The following ABCA13 variants were observed in gnomAD, a reference collection of about 807,000 sequenced individuals.
ABCA13 encodes ATP binding cassette subfamily A member 13, also known as ATP-binding cassette sub-family A member 13.
A neutral mutation model predicts 478.7 loss-of-function variants in ABCA13; 476 were observed. The ratio of observed to expected loss-of-function variants is 0.99; its 90% CI spans 0.92 to 1.07. ABCA13 has a LOEUF of 1.07. ABCA13 is among the 50% of genes least tolerant of loss of function. The pLI, the probability that ABCA13 is intolerant of heterozygous loss-of-function variation, is 0.00. For missense variants in ABCA13, 6,060 were observed against 5,910.6 expected (o/e 1.03, Z -0.83); for synonymous variants, 2,252 against 2,158.9 (o/e 1.04, Z -1.20).
Position 48,450,559 on chromosome 7 carries a change from A to T in ABCA13, c.12566-4478A>T, listed in dbSNP as rs536817484. Among the ~76,000 whole-genome samples, 20 of 152,308 alleles carry T rather than the reference A, an allele frequency of 1.3e-4. No individual in the cohort carries two copies. The South Asian group carries it at 4.1e-3, about 32-fold the overall frequency. Reference sequence around the variant, plus strand: ...AACTTTTCACTAAAAGCATATCAAAATATTATTTTTTATAGTTTAATATTA... The same window carrying T: ...AACTTTTCACTAAAAGCATATCAAATTATTATTTTTTATAGTTTAATATTA... On this transcript the variant is annotated intron_variant, in intron 42 of 61. Transcript: ENST00000435803.
chr7:48,466,974 G>A lies in ABCA13; in HGVS notation c.12834G>A (p.Leu4278=). 1 of 1,613,904 alleles carries A rather than the reference G, an allele frequency of 6.2e-7. No individual in the cohort carries two copies. The highest frequency in any genetic ancestry group is 8.5e-7 in the Non-Finnish European group (1 of 1,179,874). The change falls in exon 44 of 62, where the codon TTG becomes TTA. Residue 4278 remains leucine (L), a synonymous_variant. Transcript: ENST00000435803. ...ACAGCAGCAGTGGGGGCGACAACTTGGACCTCACCCGTGTGCTTCTGCGGA... is the reference window on the plus strand; with the variant it reads ...ACAGCAGCAGTGGGGGCGACAACTTAGACCTCACCCGTGTGCTTCTGCGGA... ...TYFFSSGGDN[L]DLTRVLLRKF... is the part of the protein sequence containing the mutation.
rs1796750795 is a variant in ABCA13, at chr7:48,279,565, G to A, written c.8371G>A (p.Gly2791Ser). Residue 2791 changes from glycine (G) to serine (S), a missense_variant, in exon 18 of 62, where the codon GGT (glycine) becomes AGT (serine). By Grantham distance (56) the Gly-to-Ser change is moderately conservative (BLOSUM62 0). Around this residue, in one of 3 missense-constraint regions of ABCA13, gnomAD observed 4,423 missense variants for 4,309.1 expected, o/e 1.03. Transcript: ENST00000435803. Reference protein sequence around the residue: ...ASSGIKSDYEGDLNKSLYFDT... With the variant: ...ASSGIKSDYESDLNKSLYFDT... ...CAGTGGAATTAAAAGTGACTATGAAGGTGATTTGAATAAAAGTTTATATTT... is the reference window on the plus strand; with the variant it reads ...CAGTGGAATTAAAAGTGACTATGAAAGTGATTTGAATAAAAGTTTATATTT... The A allele has an allele frequency of 1.2e-6, 2 of 1,613,216 alleles. No individual in the cohort carries two copies. The highest frequency in any genetic ancestry group is 3.3e-5 in the Admixed American group (2 of 59,962).
At chr7:48,260,299 A>G (rs1793996378) in intron 15 of ABCA13, among the ~76,000 whole-genome samples, 2 of 152,032 alleles carry the variant, frequency 1.3e-5, no homozygotes, top group South Asian at 4.1e-4. Context: ...TTTTCTGGAT[A>G]TTTTTAGAGG....
At chr7:48,465,278 T>C (rs1328027459) in intron 43 of ABCA13, among the ~76,000 whole-genome samples, 2 of 152,218 alleles carry the variant, frequency 1.3e-5, no homozygotes, top group African/African-American at 4.8e-5. Flanking sequence ...TAATGTTCCA[T>C]TCTATGTGTA....
rs763955784 is a variant in ABCA13, at chr7:48,520,285, G to A, written c.14042G>A (p.Arg4681Gln). The change falls in exon 53 of 62, where the codon CGA becomes CAA. Residue 4681 changes from arginine (R) to glutamine (Q), a missense_variant. By Grantham distance (43) the Arg-to-Gln change is conservative. Coordinates refer to ENST00000435803, the MANE Select transcript of ABCA13 (RefSeq NM_152701.5). The stretch of plus-strand genomic sequence containing the variant: ...GTTCTGCTACACTGGGACCTTCTGC[G>A]ATGGCCAAGGTGGGTTCTGAAGGAC... ...LRVLLHWDLL[R>Q]WPRGHSTLQG... The A allele has an allele frequency of 2.7e-5, 44 of 1,610,624 alleles. No homozygotes were observed. The Admixed American group carries it at 4.0e-4, about 15-fold the overall frequency.
intron 55 of ABCA13, among the ~76,000 whole-genome samples, chr7:48,565,194 C>A (rs1786905202): frequency 7.0e-6 from 1 of 142,154 alleles, no homozygotes; most frequent in African/African-American, 2.7e-5. Context: ...ATGAACAGAG[C>A]ATGTGTGTAA....
intron 58 of ABCA13, among the ~76,000 whole-genome samples, chr7:48,600,456 G>T (rs1790768981): frequency 6.6e-6 from 1 of 151,196 alleles, no homozygotes; most frequent in African/African-American, 2.4e-5. Context: ...TGACTGTTTT[G>T]CTATTTTTTA....
intron 19 of ABCA13, among the ~76,000 whole-genome samples, chr7:48,284,139 T>C (rs975797675): frequency 6.6e-6 from 1 of 152,308 alleles, no homozygotes; most frequent in Middle Eastern, 3.4e-3. Flanking sequence ...AGGGACTGTC[T>C]ATCACAGGGT....
At chr7:48,464,330 A>G (rs896792270) in intron 43 of ABCA13, among the ~76,000 whole-genome samples, 9 of 152,256 alleles carry the variant, frequency 5.9e-5, no homozygotes, top group South Asian at 2.1e-4. Flanking sequence ...CACACTGCCT[A>G]CTTATGAGAC....
intron 6 of ABCA13, among the ~76,000 whole-genome samples, chr7:48,228,019 T>G (rs770193760): frequency 6.6e-6 from 1 of 152,266 alleles, no homozygotes; most frequent in Non-Finnish European, 1.5e-5. Context: ...GGGCTTCTTA[T>G]GCCTTAATCA....
chr7:48,594,744 A>G lies in ABCA13; in HGVS notation c.14675A>G (p.Lys4892Arg). The change falls in exon 58 of 62, where the codon AAG becomes AGG. Residue 4892 changes from lysine (K) to arginine (R), a missense_variant. By Grantham distance (26) the Lys-to-Arg change is conservative. Coordinates refer to ENST00000435803, the MANE Select transcript of ABCA13 (RefSeq NM_152701.5). ...EPSSGMDPCS[K>R]RYLWQTIMKE... is the part of the protein sequence containing the mutation. The stretch of plus-strand genomic sequence containing the variant: ...AGCTCTGGGATGGATCCCTGCTCTA[A>G]GCGGTACCTGTGGCAAACAATAATG... The G allele has an allele frequency of 6.2e-7, 1 of 1,613,892 alleles. No individual in the cohort carries two copies. Among genetic ancestry groups the G allele is most frequent in the South Asian group, 1.1e-5 (1 of 91,084 alleles).
At chr7:48,537,768 C>A (rs1379705609) in intron 55 of ABCA13, among the ~76,000 whole-genome samples, 1 of 152,072 alleles carries the variant, frequency 6.6e-6, no homozygotes, top group East Asian at 1.9e-4. Flanking sequence ...CAGGACAGAG[C>A]AGGTGATCAG....
intron 55 of ABCA13, among the ~76,000 whole-genome samples, chr7:48,577,940 A>C (rs1788346266): frequency 6.6e-6 from 1 of 152,172 alleles, no homozygotes. Context: ...CAATTAATAT[A>C]ATCCATTACA....
At chr7:48,519,991 A>G (rs886448784) in intron 52 of ABCA13, 50 bp from the exon 53 acceptor site, 1 of 1,525,908 alleles carries the variant, frequency 6.6e-7, no homozygotes, top group African/African-American at 1.4e-5. Flanking sequence ...TATATTATGA[A>G]AAGGGGAATA....
At chr7:48,512,354 A>G (rs779082996) in intron 51 of ABCA13, among the ~76,000 whole-genome samples, 3 of 152,208 alleles carry the variant, frequency 2.0e-5, no homozygotes, top group Admixed American at 6.5e-5. Flanking sequence ...CATTAAATTA[A>G]TTTTAGCCAT....
chr7:48,375,865 T>C (rs1399321033), intron 34 of ABCA13, among the ~76,000 whole-genome samples: 1 of 152,152 alleles, frequency 6.6e-6, no homozygotes, highest in Non-Finnish European at 1.5e-5. Flanking sequence ...AATATTTTGG[T>C]CTAAATTCCA....
intron 27 of ABCA13, among the ~76,000 whole-genome samples, chr7:48,326,203 T>A (rs1563055799): frequency 6.6e-6 from 1 of 152,088 alleles, no homozygotes; most frequent in Admixed American, 6.5e-5. Context: ...CACACTGGAA[T>A]CTGGAAGAGA....
intron 29 of ABCA13, among the ~76,000 whole-genome samples, chr7:48,343,684 A>G (rs898328792): frequency 2.6e-5 from 4 of 152,156 alleles, no homozygotes; most frequent in African/African-American, 9.6e-5. Context: ...ATTTTAGCGC[A>G]GCCATCACCT....
chr7:48,367,842 G>C lies in ABCA13; in HGVS notation c.10737G>C (p.Thr3579=), dbSNP rs188751959. 17 of 1,580,710 alleles carry C rather than the reference G, an allele frequency of 1.1e-5. No individual in the cohort carries two copies. The Admixed American group carries it at 3.1e-4, about 29-fold the overall frequency. ...GFFFPLIMML[T]WMVSVASMVR... is the part of the protein sequence containing the mutation. ...TTTTTCCACTGATAATGATGCTGAC[G>C]TGGATGGTGTCTGTGGCCAGCATGG... Residue 3579 remains threonine, a synonymous_variant, in exon 32 of 62, where the codon ACG becomes ACC. Transcript: ENST00000435803.
Sources: gnomAD v4.1 joint callset for allele counts (sites outside exome capture counted in the v4.1 genomes callset) on GRCh38, gnomAD v4.1.1 for gene constraint, gnomAD v4.1.1 regional missense constraint, MANE v1.5 for transcripts, NCBI Gene and HGNC (gene_info 2026-07-23, HGNC 2026-07-21) for gene names.